XPO7: variants seen among roughly 807,000 people sequenced by gnomAD.
The protein encoded by XPO7 is exportin 7.
Under a neutral mutation model 144.3 loss-of-function variants are expected in XPO7, and 21 were observed. That is an observed-to-expected ratio of 0.15 (90% confidence interval 0.10 to 0.21). The LOEUF (loss-of-function observed/expected upper bound fraction) is 0.21, where lower values mean the gene tolerates loss of function less well. Ranked by LOEUF, XPO7 falls within the 10% of genes least tolerant of loss-of-function variation. XPO7 has a pLI of 1.00. For missense variants in XPO7, 808 were observed against 1,325.8 expected (o/e 0.61, Z 6.06); for synonymous variants, 580 against 499.6 (o/e 1.16, Z -2.15).
chr8:21,983,216 T>A (rs933952710), intron 11 of XPO7, among the ~76,000 whole-genome samples: 3 of 152,266 alleles, frequency 2.0e-5, no homozygotes, highest in Non-Finnish European at 4.4e-5. Flanking sequence ...AATCTAGTTA[T>A]CAATTCTAAT....
intron 1 of XPO7, among the ~76,000 whole-genome samples, chr8:21,923,617 CAG>C (rs1810364910): frequency 6.6e-6 from 1 of 151,974 alleles, no homozygotes; most frequent in Non-Finnish European, 1.5e-5. Context: ...ACACTTAACA[CAG>C]AAAAAACAAA....
chr8:21,974,795 A>G, intron 6 of XPO7, 21 bp downstream of exon 6: 2 of 1,524,452 alleles, frequency 1.3e-6, no homozygotes. Flanking sequence ...AGTTTGGGTC[A>G]TATTTCCCAG....
chr8:22,006,252 T>TA lies in XPO7; in HGVS notation c.*1166dup, dbSNP rs1813325957. 1 of 152,120 alleles carries TA rather than the reference T, an allele frequency of 6.6e-6. No homozygotes were observed. Among genetic ancestry groups the TA allele is most frequent in the Non-Finnish European group, 1.5e-5 (1 of 68,014 alleles). The allele number at this position is 152,120 out of a possible 1,614,324, so 9.4% of individuals were successfully genotyped here. ...ATACATTTTTATAAAATGAAAACCA[T>TA]AATAAATGTTTTGAATATTAAAAAA... On this transcript the variant is annotated 3_prime_UTR_variant, in exon 28 of 28. Coordinates refer to ENST00000252512, the MANE Select transcript of XPO7 (RefSeq NM_015024.5).
intron 1 of XPO7, among the ~76,000 whole-genome samples, chr8:21,930,585 T>A (rs1386761448): frequency 6.6e-6 from 1 of 152,168 alleles, no homozygotes; most frequent in African/African-American, 2.4e-5. Flanking sequence ...TAAAGCTATA[T>A]GTATGTTCAC....
intron 1 of XPO7, 43 bp from the exon 2 acceptor site, chr8:21,966,814 G>A: frequency 6.4e-7 from 1 of 1,572,750 alleles, no homozygotes; most frequent in Non-Finnish European, 8.6e-7. Flanking sequence ...GCTTACATTT[G>A]TAGTAGGCTG....
chr8:21,972,115 A>G, intron 5 of XPO7, 174 bp downstream of exon 5: 1 of 542,682 alleles, frequency 1.8e-6, no homozygotes, highest in Non-Finnish European at 3.3e-6. Flanking sequence ...ATTGCAACTC[A>G]CCTCACTTTT....
chr8:21,926,615 C>T (rs1234319922), intron 1 of XPO7, among the ~76,000 whole-genome samples: 1 of 132,630 alleles, frequency 7.5e-6, no homozygotes, highest in Non-Finnish European at 1.7e-5. Context: ...TTACTTCTGT[C>T]TTCCAAAAAG....
intron 2 of XPO7, 96 bp from the exon 3 acceptor site, chr8:21,969,387 C>G (rs1425569075): frequency 1.9e-6 from 2 of 1,047,768 alleles, no homozygotes; most frequent in Non-Finnish European, 2.8e-6. Flanking sequence ...AAACTGATTG[C>G]CTTTTCTTGA....
intron 1 of XPO7, among the ~76,000 whole-genome samples, chr8:21,950,451 A>C (rs1811333476): frequency 6.6e-6 from 1 of 152,260 alleles, no homozygotes; most frequent in East Asian, 1.9e-4. Context: ...CTCCCCATCA[A>C]ATGAGTAAGA....
chr8:21,989,020 A>G lies in XPO7; in HGVS notation c.1805A>G (p.Tyr602Cys). Reference sequence around the variant, plus strand: ...TCCTCCAGCATCACCAACTTGAAGTACTGGGGCCGTTGTGAACCAATCACC... The same window carrying G: ...TCCTCCAGCATCACCAACTTGAAGTGCTGGGGCCGTTGTGAACCAATCACC... ...FIGKIITNLK[Y>C]WGRCEPITSK... is the part of the protein sequence containing the mutation. The change falls in exon 16 of 28, where the codon TAC becomes TGC. Residue 602 changes from tyrosine (Y) to cysteine (C), a missense_variant. By Grantham distance (194) the Tyr-to-Cys change is radical. Around this residue, in one of 5 missense-constraint regions of XPO7, gnomAD observed 416 missense variants for 612.5 expected, o/e 0.68. Transcript: ENST00000252512. The G allele has an allele frequency of 1.2e-6, 2 of 1,613,528 alleles. No individual in the cohort carries two copies. The highest frequency in any genetic ancestry group is 8.5e-7 in the Non-Finnish European group (1 of 1,179,822).
At chr8:21,935,203 G>A (rs552747747) in intron 1 of XPO7, among the ~76,000 whole-genome samples, 1 of 152,312 alleles carries the variant, frequency 6.6e-6, no homozygotes, top group East Asian at 1.9e-4. Flanking sequence ...GATTAGTACA[G>A]CCAGGCATCT....
intron 1 of XPO7, among the ~76,000 whole-genome samples, chr8:21,932,913 G>A (rs1810699669): frequency 6.6e-6 from 1 of 151,998 alleles, no homozygotes; most frequent in South Asian, 2.1e-4. Flanking sequence ...TATTCACATT[G>A]ACCTCTGTTT....
rs779773941 is a variant in XPO7, at chr8:21,989,109, T to C, written c.1868+26T>C. The stretch of plus-strand genomic sequence containing the variant: ...ATATCCTTTTCTAAGCTAACTTCTG[T>C]GCACAACAGAAACTGGCATGCCACA... On this transcript the variant is annotated intron_variant, in intron 16 of 27. Coordinates refer to ENST00000252512, the MANE Select transcript of XPO7 (RefSeq NM_015024.5). 6 of 1,602,764 alleles carry C rather than the reference T, an allele frequency of 3.7e-6. No individual in the cohort carries two copies. In the African/African-American group the frequency reaches 6.7e-5, roughly 18 times the overall value.
At chr8:22,000,597 C>T (rs529214358) in intron 24 of XPO7, among the ~76,000 whole-genome samples, 1 of 151,986 alleles carries the variant, frequency 6.6e-6, no homozygotes, top group East Asian at 1.9e-4. Context: ...GGACTATAGG[C>T]GCCCGCCACC....
Position 21,966,993 on chromosome 8 carries a change from A to G in XPO7, c.155A>G (p.Glu52Gly). Residue 52 changes from glutamate (E) to glycine (G), a missense_variant, in exon 2 of 28, where the codon GAA becomes GGA. Physicochemically the swap from Glu to Gly is moderately conservative, Grantham distance 98 (BLOSUM62 -2). Coordinates refer to ENST00000252512, the MANE Select transcript of XPO7 (RefSeq NM_015024.5). ...DCLSKCQLLLERGSSSYSQLL... is the reference protein window; with the variant it reads ...DCLSKCQLLLGRGSSSYSQLL... ...CTGAGCAAGTGCCAGCTACTCCTCG[A>G]AAGAGGAAGTGTGCGTAAGATCTGA... is the stretch of plus-strand genomic sequence containing the variant. The G allele has an allele frequency of 6.2e-7, 1 of 1,613,270 alleles. No individual in the cohort carries two copies.
chr8:21,980,226 A>G (rs1480866316), intron 9 of XPO7, 23 bp downstream of exon 9: 4 of 1,561,742 alleles, frequency 2.6e-6, no homozygotes, highest in South Asian at 1.2e-5. Context: ...GAGAATTTAC[A>G]TATGTATAGG....
At chr8:22,000,327 G>A (rs1813096616) in intron 24 of XPO7, among the ~76,000 whole-genome samples, 1 of 152,024 alleles carries the variant, frequency 6.6e-6, no homozygotes, top group African/African-American at 2.4e-5. Flanking sequence ...GTATTAGGCT[G>A]TTTGAATTCT....
At chr8:21,947,702 A>G (rs1050505297) in intron 1 of XPO7, among the ~76,000 whole-genome samples, 3 of 152,222 alleles carry the variant, frequency 2.0e-5, no homozygotes, top group Non-Finnish European at 4.4e-5. Context: ...ATAAAGGAAA[A>G]TAATGATAAA....
At chr8:21,995,040 C>T (rs926395119) in intron 20 of XPO7, among the ~76,000 whole-genome samples, 7 of 150,422 alleles carry the variant, frequency 4.7e-5, no homozygotes, top group Admixed American at 6.6e-5. Flanking sequence ...GGCGACAGAG[C>T]GAGACTCCAT....
Sources: gnomAD v4.1 joint callset for allele counts (sites outside exome capture counted in the v4.1 genomes callset) on GRCh38, gnomAD v4.1.1 for gene constraint, gnomAD v4.1.1 regional missense constraint, MANE v1.5 for transcripts, NCBI Gene and HGNC (gene_info 2026-07-23, HGNC 2026-07-21) for gene names.